XKR6: variants seen among roughly 807,000 people sequenced by gnomAD.
XKR6 encodes XK-related protein 6.
In XKR6, 22 loss-of-function variants were observed where a neutral mutation model predicts 56.7. That is an observed-to-expected ratio of 0.39 (90% confidence interval 0.28 to 0.55). XKR6 has a LOEUF of 0.55. Ranked by LOEUF, XKR6 falls within the 20% of genes least tolerant of loss-of-function variation. XKR6 has a pLI of 0.66. For missense variants in XKR6, 852 were observed against 889.0 expected, an observed-to-expected ratio of 0.96 and a Z score of 0.53; for synonymous variants, 524 against 387.8, an observed-to-expected ratio of 1.35 and a Z score of -4.13.
intron 1 of XKR6, among the ~76,000 whole-genome samples, chr8:11,034,181 A>G (rs1292450497): frequency 9.2e-5 from 14 of 152,186 alleles, no homozygotes; most frequent in Admixed American, 9.2e-4. Context: ...AGTGCCAGAC[A>G]AGGGGAAGAG....
intron 1 of XKR6, among the ~76,000 whole-genome samples, chr8:11,015,866 C>T (rs984058526): frequency 2.6e-5 from 4 of 152,194 alleles, no homozygotes; most frequent in African/African-American, 9.6e-5. Context: ...CGGGGAAGTG[C>T]TGTGCCCGAG....
chr8:10,921,692 G>C (rs1042515786), intron 2 of XKR6, among the ~76,000 whole-genome samples: 1 of 152,302 alleles, frequency 6.6e-6, no homozygotes, highest in Admixed American at 6.5e-5. Flanking sequence ...GAGCCCATCT[G>C]TCTACCACCC....
intron 1 of XKR6, among the ~76,000 whole-genome samples, chr8:11,082,400 A>G (rs565525929): frequency 6.6e-6 from 1 of 152,344 alleles, no homozygotes; most frequent in Non-Finnish European, 1.5e-5. Context: ...CTCAGCTGAG[A>G]TAATATCTCT....
intron 2 of XKR6, among the ~76,000 whole-genome samples, chr8:10,901,035 T>C (rs1236759084): frequency 1.3e-5 from 2 of 148,264 alleles, no homozygotes. Flanking sequence ...TTATTTTTTG[T>C]AGAGACAGAG....
At chr8:11,196,926 A>G (rs1438952582) in intron 1 of XKR6, among the ~76,000 whole-genome samples, 1 of 152,200 alleles carries the variant, frequency 6.6e-6, no homozygotes. Context: ...GGAGTGATTA[A>G]AAAAATAATA....
intron 1 of XKR6, among the ~76,000 whole-genome samples, chr8:10,950,952 G>A (rs181099427): frequency 6.6e-6 from 1 of 152,286 alleles, no homozygotes; most frequent in East Asian, 1.9e-4. Flanking sequence ...ACTTGCCCAA[G>A]GCCACACAGC....
At chr8:11,049,224 G>A (rs62490742) in intron 1 of XKR6, among the ~76,000 whole-genome samples, 56,359 of 151,786 alleles carry the variant, frequency 0.37, 12,148 homozygotes, top group East Asian at 0.79. Flanking sequence ...ATGGCTGCAA[G>A]GCACCCACTG....
At chr8:11,064,384 C>G (rs771349727) in intron 1 of XKR6, among the ~76,000 whole-genome samples, 2 of 152,192 alleles carry the variant, frequency 1.3e-5, no homozygotes, top group African/African-American at 2.4e-5. Context: ...TCTTCTACCC[C>G]TCGTGGTCAT....
At chr8:11,187,549 C>T (rs1803339096) in intron 1 of XKR6, among the ~76,000 whole-genome samples, 1 of 152,096 alleles carries the variant, frequency 6.6e-6, no homozygotes, top group African/African-American at 2.4e-5. Context: ...TTCTTCCCAG[C>T]ATGTTAACGT....
intron 1 of XKR6, among the ~76,000 whole-genome samples, chr8:10,985,350 C>A (rs950206225): frequency 6.6e-6 from 1 of 152,074 alleles, no homozygotes; most frequent in African/African-American, 2.4e-5. Context: ...CAGCAGGCCA[C>A]CATGTAAGAC....
At chr8:10,906,871 T>C (rs187607837) in intron 2 of XKR6, among the ~76,000 whole-genome samples, 2 of 152,302 alleles carry the variant, frequency 1.3e-5, no homozygotes, top group South Asian at 2.1e-4. Context: ...ACCATGTATT[T>C]AGTCTCCACT....
At chr8:11,077,859 T>C (rs1483053994) in intron 1 of XKR6, among the ~76,000 whole-genome samples, 3 of 152,072 alleles carry the variant, frequency 2.0e-5, no homozygotes, top group African/African-American at 7.2e-5. Context: ...CCTGGCATGA[T>C]CATCAGACCG....
intron 1 of XKR6, among the ~76,000 whole-genome samples, chr8:11,007,736 G>A (rs1798402914): frequency 6.6e-6 from 1 of 152,206 alleles, no homozygotes; most frequent in South Asian, 2.1e-4. Context: ...TGTAAGGGTT[G>A]GGGGTGGAGG....
intron 1 of XKR6, chr8:11,125,770 T>A (rs1448196534): frequency 6.6e-6 from 1 of 152,246 alleles, no homozygotes; most frequent in Non-Finnish European, 1.5e-5. Flanking sequence ...CTGTTCTACA[T>A]CTGTGCATCT....
chr8:11,182,629 T>C (rs2898266), intron 1 of XKR6, among the ~76,000 whole-genome samples: 16,029 of 152,228 alleles, frequency 0.11, 1,051 homozygotes, highest in African/African-American at 0.18. Flanking sequence ...AAAAAGATTT[T>C]GTTTGTTCGT....
chr8:10,914,203 C>A (rs753953275), intron 2 of XKR6, among the ~76,000 whole-genome samples: 1 of 152,122 alleles, frequency 6.6e-6, no homozygotes, highest in South Asian at 2.1e-4. Context: ...TCACTGTAAC[C>A]GCCGCAACCA....
intron 1 of XKR6, among the ~76,000 whole-genome samples, chr8:11,040,474 G>C (rs1049614429): frequency 2.0e-5 from 3 of 152,076 alleles, no homozygotes; most frequent in African/African-American, 7.2e-5. Flanking sequence ...CGAGGCTGCA[G>C]TGAGCCATGA....
At chr8:10,997,329 G>A (rs1798137133) in intron 1 of XKR6, among the ~76,000 whole-genome samples, 2 of 152,134 alleles carry the variant, frequency 1.3e-5, no homozygotes, top group Admixed American at 1.3e-4. Flanking sequence ...AACCTCTTGA[G>A]GTGACCACTG....
At chr8:10,985,936 G>A (rs945389255) in intron 1 of XKR6, among the ~76,000 whole-genome samples, 2 of 152,138 alleles carry the variant, frequency 1.3e-5, no homozygotes, top group Admixed American at 6.6e-5. Flanking sequence ...TAGATAAGCT[G>A]ATTTTCAAAT....
Sources: allele counts gnomAD v4.1 joint callset (sites outside exome capture counted in the v4.1 genomes callset), GRCh38; gene constraint gnomAD v4.1.1; transcripts MANE v1.5; gene names NCBI Gene and HGNC (gene_info 2026-07-23, HGNC 2026-07-21).